The following CDH13 variants were observed in gnomAD, a reference collection of about 807,000 sequenced individuals.
CDH13 encodes the protein cadherin-13.
A neutral mutation model predicts 63.8 loss-of-function variants in CDH13; 24 were observed. That is an observed-to-expected ratio of 0.38 (90% CI 0.27 to 0.53). The LOEUF is 0.53. Ranked by LOEUF, CDH13 falls within the 20% of genes least tolerant of loss-of-function variation. The pLI, the probability that CDH13 is intolerant of heterozygous loss-of-function variation, is 0.85. For synonymous variants in CDH13, 503 were observed against 355.3 expected (o/e 1.42, Z -4.67); for missense variants, 1,049 against 903.1 (o/e 1.16, Z -2.07).
chr16:82,656,566 A>G (rs919738726), intron 1 of CDH13, among the ~76,000 whole-genome samples: 2 of 152,176 alleles, frequency 1.3e-5, no homozygotes, highest in African/African-American at 4.8e-5. Context: ...CAATGACTCT[A>G]CATTGACACA....
intron 3 of CDH13, among the ~76,000 whole-genome samples, chr16:83,050,970 C>A (rs772548183): frequency 6.6e-6 from 1 of 152,174 alleles, no homozygotes; most frequent in Non-Finnish European, 1.5e-5. Context: ...TGGTTTCTAC[C>A]TGCAAACTCT....
At chr16:83,436,304 T>C (rs2072302182) in intron 6 of CDH13, among the ~76,000 whole-genome samples, 1 of 152,160 alleles carries the variant, frequency 6.6e-6, no homozygotes, top group African/African-American at 2.4e-5. Context: ...GAGCTTATAA[T>C]AATGCTTATG....
At chr16:83,024,448 G>A (rs185770644) in intron 2 of CDH13, among the ~76,000 whole-genome samples, 3 of 152,266 alleles carry the variant, frequency 2.0e-5, no homozygotes, top group Non-Finnish European at 4.4e-5. Flanking sequence ...AATGACTAAA[G>A]GAAAGAACAC....
intron 3 of CDH13, among the ~76,000 whole-genome samples, chr16:83,058,442 A>G (rs1051491846): frequency 3.3e-5 from 5 of 152,104 alleles, no homozygotes; most frequent in East Asian, 1.9e-4. Flanking sequence ...CAAATAATTC[A>G]TTTCCCCTTT....
intron 6 of CDH13, among the ~76,000 whole-genome samples, chr16:83,473,896 C>G (rs1310911003): frequency 6.6e-6 from 1 of 152,110 alleles, no homozygotes; most frequent in African/African-American, 2.4e-5. Flanking sequence ...TGACACCTGC[C>G]TCATAGGGTT....
intron 10 of CDH13, chr16:83,735,463 G>T (rs891707588): frequency 2.0e-5 from 3 of 151,810 alleles, no homozygotes; most frequent in South Asian, 2.1e-4. Context: ...AATAATAATT[G>T]TATATATTTA....
rs577053584 is a variant in CDH13, at chr16:82,627,213, G to C, written c.45+76G>C. On this transcript the variant is annotated intron_variant, in intron 1 of 13. Transcript: ENST00000567109. ...GATCGCCCGGCACGGGCAGGGTGAGGGGGCTTTCGGGGGGTCGGGGCCTCC... is the reference window on the plus strand; with the variant it reads ...GATCGCCCGGCACGGGCAGGGTGAGCGGGCTTTCGGGGGGTCGGGGCCTCC... 3.6e-4 allele frequency: 463 copies of C among 1,280,732 alleles called. 4 individuals are homozygous for C. In the South Asian group the frequency reaches 5.6e-3, roughly 16 times the overall value. 79.3% of individuals were successfully genotyped at this position (1,280,732 alleles called of 1,614,324 possible).
At chr16:83,344,278 C>T (rs919168887) in intron 5 of CDH13, among the ~76,000 whole-genome samples, 1 of 152,134 alleles carries the variant, frequency 6.6e-6, no homozygotes, top group African/African-American at 2.4e-5. Flanking sequence ...AAGTAGTTCC[C>T]TATGGAAGTG....
chr16:82,753,522 T>A lies in CDH13; in HGVS notation c.46-104840T>A, dbSNP rs1273106881. 1.3e-5 allele frequency among the ~76,000 whole-genome samples: 2 copies of A among 152,180 alleles called. 1 individual carries two copies. The highest frequency in any genetic ancestry group is 1.3e-4 in the Admixed American group (2 of 15,278). On this transcript the variant is annotated intron_variant, in intron 1 of 13. Transcript: ENST00000567109. The stretch of plus-strand genomic sequence containing the variant: ...TGTGTATTTACGTACTTCCTAGATA[T>A]TGCCCCATGCATGGCCCACCATCAC...
At chr16:82,718,158 C>G (rs2032513631) in intron 1 of CDH13, among the ~76,000 whole-genome samples, 1 of 152,156 alleles carries the variant, frequency 6.6e-6, no homozygotes, top group Admixed American at 6.5e-5. Flanking sequence ...CAAGCAGTTG[C>G]TTGTTCTTAT....
intron 5 of CDH13, among the ~76,000 whole-genome samples, chr16:83,290,201 A>G (rs1183583835): frequency 6.6e-6 from 1 of 152,140 alleles, no homozygotes; most frequent in African/African-American, 2.4e-5. Context: ...AACTAACCAC[A>G]TTCAATTCTA....
At chr16:82,706,623 C>T (rs35497028) in intron 1 of CDH13, among the ~76,000 whole-genome samples, 4,843 of 151,000 alleles carry the variant, frequency 0.032, 115 homozygotes, top group Middle Eastern at 0.082. Flanking sequence ...GGTGAAACCC[C>T]GTCTCTACTA....
At chr16:83,625,141 A>T (rs917131743) in intron 8 of CDH13, among the ~76,000 whole-genome samples, 20 of 140,922 alleles carry the variant, frequency 1.4e-4, no homozygotes, top group African/African-American at 5.2e-4. Context: ...GTGTTTGCCC[A>T]CCTAAAGAAA....
chr16:82,819,659 G>T (rs1007368943), intron 1 of CDH13, among the ~76,000 whole-genome samples: 1 of 152,200 alleles, frequency 6.6e-6, no homozygotes, highest in African/African-American at 2.4e-5. Context: ...ATGCCACTGG[G>T]CAGGGACTGG....
intron 10 of CDH13, among the ~76,000 whole-genome samples, chr16:83,727,126 G>C (rs1383283073): frequency 6.6e-6 from 1 of 151,996 alleles, no homozygotes; most frequent in African/African-American, 2.4e-5. Context: ...CTCGATTTTA[G>C]AACATTTTCA....
At chr16:83,507,294 T>C (rs1192609155) in intron 7 of CDH13, among the ~76,000 whole-genome samples, 1 of 152,238 alleles carries the variant, frequency 6.6e-6, no homozygotes, top group South Asian at 2.1e-4. Context: ...AGAAAGTTTG[T>C]AATGTATGCA....
chr16:82,728,297 A>G (rs2033208750), intron 1 of CDH13, among the ~76,000 whole-genome samples: 1 of 152,150 alleles, frequency 6.6e-6, no homozygotes, highest in South Asian at 2.1e-4. Flanking sequence ...CTGGCTTACA[A>G]GGCCTTGTTC....
rs2091552087 is a variant in CDH13, at chr16:83,380,820, C to G, written c.781+35814C>G. Among the ~76,000 whole-genome samples, 5 of 147,488 alleles carry G rather than the reference C, an allele frequency of 3.4e-5. No individual in the cohort carries two copies. In the South Asian group the frequency reaches 1.1e-3, roughly 31 times the overall value. On this transcript the variant is annotated intron_variant, in intron 6 of 13. Coordinates refer to ENST00000567109, the MANE Select transcript of CDH13 (RefSeq NM_001257.5). ...GAGAATATCATGTTTCATTAGGGCA[C>G]ATTACCCAAGGTTTTTTTTTTTTTT...
intron 5 of CDH13, among the ~76,000 whole-genome samples, chr16:83,239,756 C>T (rs892543978): frequency 6.6e-5 from 10 of 152,160 alleles, no homozygotes; most frequent in African/African-American, 2.2e-4. Context: ...TCAGTAACAG[C>T]AGTGAACCAG....
Sources: allele counts gnomAD v4.1 joint callset (sites outside exome capture counted in the v4.1 genomes callset), GRCh38; gene constraint gnomAD v4.1.1; transcripts MANE v1.5; gene names NCBI Gene and HGNC (gene_info 2026-07-23, HGNC 2026-07-21).